CSMD1: variants seen among roughly 807,000 people sequenced by gnomAD.
The protein encoded by CSMD1 is CUB and sushi domain-containing protein 1.
A neutral mutation model predicts 417.5 loss-of-function variants in CSMD1; 213 were observed. The ratio of observed to expected loss-of-function variants is 0.51; its 90% confidence interval spans 0.46 to 0.57. The LOEUF is 0.57. CSMD1 is among the 20% of genes least tolerant of loss of function. The pLI is 0.00. For synonymous variants in CSMD1, 2,862 were observed against 1,736.8 expected (o/e 1.65, Z -16.11); for missense variants, 6,923 against 4,529.7 (o/e 1.53, Z -15.17).
intron 5 of CSMD1, among the ~76,000 whole-genome samples, chr8:3,968,626 T>C (rs1040164779): frequency 1.3e-5 from 2 of 152,202 alleles, no homozygotes; most frequent in Non-Finnish European, 1.5e-5. Context: ...TTTCTCTACA[T>C]AGAACACAGT....
chr8:4,377,355 T>G (rs1802819347), intron 3 of CSMD1, among the ~76,000 whole-genome samples: 1 of 152,206 alleles, frequency 6.6e-6, no homozygotes, highest in South Asian at 2.1e-4. Context: ...CTAATTTGGC[T>G]TTTAATGGTT....
chr8:4,408,134 C>T (rs989353633), intron 3 of CSMD1, among the ~76,000 whole-genome samples: 3 of 152,258 alleles, frequency 2.0e-5, no homozygotes, highest in Middle Eastern at 3.4e-3. Context: ...ATGGAAACTT[C>T]GAGTACACAT....
rs1486603888 is a variant in CSMD1 at position 4,993,420 on chromosome 8, CA to C, written c.85+911del. 2.6e-5 allele frequency among the ~76,000 whole-genome samples: 4 copies of C among 152,294 alleles called. No homozygotes were observed. In the East Asian group the frequency reaches 5.8e-4, roughly 22 times the overall value. On this transcript the variant is annotated intron_variant, in intron 1 of 69. Transcript: ENST00000635120. ...TCTCTCCCTCTTTCTCGCCCTGTCTCAAAAGGGAGCTTATGTTCTTTCCCGG... is the reference window on the plus strand; with the variant it reads ...TCTCTCCCTCTTTCTCGCCCTGTCTCAAAGGGAGCTTATGTTCTTTCCCGG...
chr8:4,855,227 C>G (rs1333756017), intron 1 of CSMD1, among the ~76,000 whole-genome samples: 1 of 150,314 alleles, frequency 6.7e-6, no homozygotes, highest in Non-Finnish European at 1.5e-5. Flanking sequence ...GAAAAACTAA[C>G]AAACAGAAAG....
At chr8:3,632,640 A>C (rs890713412) in intron 7 of CSMD1, among the ~76,000 whole-genome samples, 3 of 152,238 alleles carry the variant, frequency 2.0e-5, no homozygotes, top group African/African-American at 7.2e-5. Flanking sequence ...ATTCCTTTAC[A>C]TTTAAAAAAT....
Position 4,450,751 on chromosome 8 carries a change from G to A in CSMD1, c.303-30686C>T, listed in dbSNP as rs143766758. ...TTTAACAGAATAGCAACAAAACAGC[G>A]GTCTCTTCACAAATTGAAAGCAAGT... On this transcript the variant is annotated intron_variant, in intron 2 of 69. Coordinates refer to ENST00000635120, the MANE Select transcript of CSMD1 (RefSeq NM_033225.6). 8.5e-3 allele frequency among the ~76,000 whole-genome samples: 1,293 copies of A among 152,170 alleles called. 9 individuals carry two copies. The highest frequency in any genetic ancestry group is 0.01 in the Middle Eastern group (3 of 292).
At chr8:4,652,650 C>A (rs1412293545) in intron 1 of CSMD1, among the ~76,000 whole-genome samples, 1 of 151,510 alleles carries the variant, frequency 6.6e-6, no homozygotes, top group African/African-American at 2.4e-5. Context: ...GACTCTGTCT[C>A]AAAATTTAAA....
chr8:4,769,042 G>A (rs1028248040), intron 1 of CSMD1, among the ~76,000 whole-genome samples: 1 of 152,140 alleles, frequency 6.6e-6, no homozygotes, highest in African/African-American at 2.4e-5. Flanking sequence ...CCATCTCGGG[G>A]AATATCATTT....
chr8:4,956,899 G>C (rs773648323), intron 1 of CSMD1, among the ~76,000 whole-genome samples: 13 of 152,078 alleles, frequency 8.5e-5, no homozygotes, highest in Non-Finnish European at 1.8e-4. Context: ...CCCCAACCAG[G>C]CGCTCTCATT....
chr8:3,505,823 G>A (rs767379646), intron 10 of CSMD1, among the ~76,000 whole-genome samples: 4 of 152,042 alleles, frequency 2.6e-5, no homozygotes, highest in East Asian at 1.9e-4. Context: ...CTCAGGTATC[G>A]TATCAACACA....
intron 1 of CSMD1, among the ~76,000 whole-genome samples, chr8:4,867,250 T>A (rs1419984646): frequency 6.6e-6 from 1 of 152,086 alleles, no homozygotes; most frequent in African/African-American, 2.4e-5. Context: ...GGTTGTTAAA[T>A]ATGCAAATTG....
At chr8:4,249,411 T>C (rs944392333) in intron 3 of CSMD1, among the ~76,000 whole-genome samples, 2 of 152,176 alleles carry the variant, frequency 1.3e-5, no homozygotes, top group African/African-American at 2.4e-5. Flanking sequence ...CAAAGTAAAC[T>C]AATAGTGTTA....
Position 4,537,582 on chromosome 8 carries a change from G to A in CSMD1, c.302+99760C>T, listed in dbSNP as rs576223702. Among the ~76,000 whole-genome samples, 130 of 152,180 alleles carry A rather than the reference G, an allele frequency of 8.5e-4. 2 individuals carry two copies. In the South Asian group the frequency reaches 0.022, roughly 26 times the overall value. ...AAGTTGAAAACTTGCTGAACATTTCGTGGCCTGGGCTTTTCTCGGACCTAC... is the reference window on the plus strand; with the variant it reads ...AAGTTGAAAACTTGCTGAACATTTCATGGCCTGGGCTTTTCTCGGACCTAC... On this transcript the variant is annotated intron_variant, in intron 2 of 69. Transcript: ENST00000635120.
chr8:4,702,370 T>A (rs1237202020), intron 1 of CSMD1, among the ~76,000 whole-genome samples: 1 of 152,220 alleles, frequency 6.6e-6, no homozygotes, highest in African/African-American at 2.4e-5. Context: ...CTCTCCGAAG[T>A]AGCAATTCCA....
intron 7 of CSMD1, among the ~76,000 whole-genome samples, chr8:3,677,297 A>G (rs2117579308): frequency 6.6e-6 from 1 of 152,360 alleles, no homozygotes; most frequent in South Asian, 2.1e-4. Flanking sequence ...CCAACTAATG[A>G]TTGATGTAAC....
intron 3 of CSMD1, among the ~76,000 whole-genome samples, chr8:4,305,286 T>A (rs567203283): frequency 6.6e-6 from 1 of 152,278 alleles, no homozygotes; most frequent in East Asian, 1.9e-4. Context: ...CTGAGCTGCA[T>A]CAGCCTCCCG....
At position 4,598,707 on chromosome 8, in the gene CSMD1, G is replaced by C. The variant is rs931600054; in HGVS notation, c.302+38635C>G. The stretch of plus-strand genomic sequence containing the variant: ...ACTCGTTGACAATAAGCATTAATTA[G>C]TGCCAGTGTGGGTACTGGTACTCAG... On this transcript the variant is annotated intron_variant, in intron 2 of 69. Coordinates refer to ENST00000635120, the MANE Select transcript of CSMD1 (RefSeq NM_033225.6). Among the ~76,000 whole-genome samples the C allele has an allele frequency of 2.0e-5, 3 of 152,152 alleles. 1 individual carries two copies. Among genetic ancestry groups the C allele is most frequent in the Non-Finnish European group, 2.9e-5 (2 of 68,020 alleles).
intron 3 of CSMD1, among the ~76,000 whole-genome samples, chr8:4,181,057 C>T (rs1798342877): frequency 6.6e-6 from 1 of 152,026 alleles, no homozygotes; most frequent in African/African-American, 2.4e-5. Context: ...AAAGAGTCTC[C>T]AAATATGAAA....
At chr8:4,769,743 G>C (rs531526735) in intron 1 of CSMD1, among the ~76,000 whole-genome samples, 7 of 152,274 alleles carry the variant, frequency 4.6e-5, no homozygotes, top group Middle Eastern at 3.4e-3. Context: ...GGTAAGTCAA[G>C]GCACAGCCTG....
Sources: gnomAD v4.1 joint callset for allele counts (sites outside exome capture counted in the v4.1 genomes callset) on GRCh38, gnomAD v4.1.1 for gene constraint, MANE v1.5 for transcripts, NCBI Gene and HGNC (gene_info 2026-07-23, HGNC 2026-07-21) for gene names.